SPECC1L: variants seen among roughly 807,000 people sequenced by gnomAD.
SPECC1L encodes cytospin-A.
A neutral mutation model predicts 116.8 loss-of-function variants in SPECC1L; 40 were observed. That is an observed-to-expected ratio of 0.34 (90% CI 0.27 to 0.45). SPECC1L has a LOEUF of 0.45. SPECC1L is among the 20% of genes least tolerant of loss of function. SPECC1L has a pLI of 1.00. For missense variants in SPECC1L, 1,110 were observed against 1,373.6 expected (o/e 0.81, Z 3.03); for synonymous variants, 504 against 500.6 (o/e 1.01, Z -0.09).
At chr22:24,358,919 A>T (rs1035552694) in intron 11 of SPECC1L, among the ~76,000 whole-genome samples, 1 of 152,200 alleles carries the variant, frequency 6.6e-6, no homozygotes, top group African/African-American at 2.4e-5. Context: ...AGTAATCAGA[A>T]TGTATCTCTG....
chr22:24,397,323 T>C lies in SPECC1L; in HGVS notation c.3088-14265T>C, dbSNP rs191171693. ...GCATCTCTTTCCTGATATCATTTCC[T>C]TCCTAAGCTCCTGCAAGACCATGGT... On this transcript the variant is annotated intron_variant, in intron 14 of 16. Transcript: ENST00000314328. 4.6e-5 allele frequency among the ~76,000 whole-genome samples: 7 copies of C among 152,354 alleles called. No individual in the cohort carries two copies. In the East Asian group the frequency reaches 1.4e-3, roughly 29 times the overall value.
intron 14 of SPECC1L, among the ~76,000 whole-genome samples, chr22:24,373,305 C>T (rs2041906804): frequency 6.6e-6 from 1 of 152,204 alleles, no homozygotes; most frequent in South Asian, 2.1e-4. Context: ...CAAAAAAGGC[C>T]TGCATTGCCA....
chr22:24,397,871 G>A (rs2042397783), intron 14 of SPECC1L, among the ~76,000 whole-genome samples: 1 of 152,094 alleles, frequency 6.6e-6, no homozygotes, highest in African/African-American at 2.4e-5. Flanking sequence ...GCAAACCTTT[G>A]TTTGCCTGAA....
chr22:24,368,256 T>C (rs1158697532), intron 13 of SPECC1L, among the ~76,000 whole-genome samples: 1 of 152,202 alleles, frequency 6.6e-6, no homozygotes. Flanking sequence ...TATAGTAAAC[T>C]CTGAAGTTCC....
intron 11 of SPECC1L, among the ~76,000 whole-genome samples, chr22:24,362,729 G>A (rs1301138430): frequency 6.6e-6 from 1 of 151,988 alleles, no homozygotes; most frequent in African/African-American, 2.4e-5. Flanking sequence ...TTTTCAGTAA[G>A]GCCCAGCTTA....
chr22:24,346,494 A>G, intron 10 of SPECC1L, among the ~76,000 whole-genome samples: 1 of 152,212 alleles, frequency 6.6e-6, no homozygotes, highest in East Asian at 1.9e-4. Flanking sequence ...CAAAAGGAGC[A>G]CATCTGCATT....
At chr22:24,361,370 C>T (rs942560869) in intron 11 of SPECC1L, among the ~76,000 whole-genome samples, 1 of 151,564 alleles carries the variant, frequency 6.6e-6, no homozygotes, top group African/African-American at 2.4e-5. Flanking sequence ...GCCTGGGCAA[C>T]AGAGCAAGGT....
intron 2 of SPECC1L, among the ~76,000 whole-genome samples, chr22:24,297,110 A>G (rs977851413): frequency 1.3e-5 from 2 of 149,682 alleles, no homozygotes; most frequent in Non-Finnish European, 3.0e-5. Context: ...TAATTTTTGT[A>G]TTTTTAGTAG....
At chr22:24,337,502 G>C (rs1029020639) in intron 9 of SPECC1L, among the ~76,000 whole-genome samples, 11 of 152,236 alleles carry the variant, frequency 7.2e-5, no homozygotes, top group African/African-American at 2.4e-4. Flanking sequence ...ACTAGGTAGA[G>C]GTGATGGTTG....
chr22:24,328,755 C>G, intron 6 of SPECC1L, 91 bp from the exon 7 acceptor site: 1 of 1,001,758 alleles, frequency 1.0e-6, no homozygotes, highest in Middle Eastern at 2.1e-4. Flanking sequence ...TAACTTTTTT[C>G]GAATGTCATA....
chr22:24,381,694 C>T (rs986718011), intron 14 of SPECC1L, among the ~76,000 whole-genome samples: 1 of 151,954 alleles, frequency 6.6e-6, no homozygotes, highest in Non-Finnish European at 1.5e-5. Flanking sequence ...ACCATCCTGG[C>T]TAATATGGTG....
At chr22:24,336,363 A>G (rs1338239215) in intron 9 of SPECC1L, among the ~76,000 whole-genome samples, 1 of 152,078 alleles carries the variant, frequency 6.6e-6, no homozygotes, top group African/African-American at 2.4e-5. Flanking sequence ...TTTTGCATTT[A>G]AAGTGCAAGA....
At chr22:24,286,583 G>C (rs1433853789) in intron 2 of SPECC1L, among the ~76,000 whole-genome samples, 1 of 152,160 alleles carries the variant, frequency 6.6e-6, no homozygotes, top group Non-Finnish European at 1.5e-5. Flanking sequence ...ACTTTTTACT[G>C]CTTTCCTCTT....
Position 24,333,176 on chromosome 22 carries a change from C to T in SPECC1L, c.2397-1234C>T, listed in dbSNP as rs536107203. Among the ~76,000 whole-genome samples, 3 of 152,080 alleles carry T rather than the reference C, an allele frequency of 2.0e-5. No individual in the cohort carries two copies. The South Asian group carries it at 6.2e-4, about 32-fold the overall frequency. ...CTGGGAGGTGGAGGTTGCGGTGAGC[C>T]GAGATGCGCCACTGCACTCCAGCCT... On this transcript the variant is annotated intron_variant, in intron 8 of 16. Coordinates refer to ENST00000314328, the MANE Select transcript of SPECC1L (RefSeq NM_015330.6).
intron 2 of SPECC1L, among the ~76,000 whole-genome samples, chr22:24,298,598 C>T (rs2049314145): frequency 6.6e-6 from 1 of 152,188 alleles, no homozygotes; most frequent in African/African-American, 2.4e-5. Context: ...ACCAGGAGAG[C>T]CACCGATGTA....
At chr22:24,286,924 A>G (rs1293953130) in intron 2 of SPECC1L, among the ~76,000 whole-genome samples, 2 of 152,222 alleles carry the variant, frequency 1.3e-5, no homozygotes, top group Non-Finnish European at 2.9e-5. Context: ...AATGAAAATT[A>G]AAAATAAGTA....
chr22:24,393,978 A>G (rs2042319778), intron 14 of SPECC1L, among the ~76,000 whole-genome samples: 1 of 152,192 alleles, frequency 6.6e-6, no homozygotes, highest in South Asian at 2.1e-4. Context: ...CACTTAGCAC[A>G]TTGAGATTCA....
intron 2 of SPECC1L, among the ~76,000 whole-genome samples, chr22:24,282,478 A>C (rs1302308859): frequency 6.6e-6 from 1 of 152,224 alleles, no homozygotes; most frequent in Non-Finnish European, 1.5e-5. Flanking sequence ...TAGATCTCTC[A>C]CTGTCTCAGT....
intron 2 of SPECC1L, among the ~76,000 whole-genome samples, chr22:24,287,988 C>T (rs925751378): frequency 9.2e-5 from 14 of 152,020 alleles, no homozygotes; most frequent in Admixed American, 5.2e-4. Flanking sequence ...GATTTCATTC[C>T]GGGAGATCAG....
Sources: allele counts gnomAD v4.1 joint callset (sites outside exome capture counted in the v4.1 genomes callset), GRCh38; gene constraint gnomAD v4.1.1; transcripts MANE v1.5; gene names NCBI Gene and HGNC (gene_info 2026-07-23, HGNC 2026-07-21).